SMIM31: variants seen among roughly 807,000 people sequenced by gnomAD.
SMIM31 encodes the protein human epithelial cell program regulator.
intron 1 of SMIM31, among the ~76,000 whole-genome samples, chr4:164,765,714 G>A (rs1368928621): frequency 1.3e-5 from 2 of 152,026 alleles, no homozygotes; most frequent in Non-Finnish European, 2.9e-5. Flanking sequence ...TTTCCACAAG[G>A]CCTTTGAAGG....
At chr4:164,766,308 A>G (rs561615842) in intron 1 of SMIM31, among the ~76,000 whole-genome samples, 1 of 152,274 alleles carries the variant, frequency 6.6e-6, no homozygotes, top group South Asian at 2.1e-4. Context: ...GTTTCCATTC[A>G]CAGCTGTGAA....
At chr4:164,770,896 T>G (rs1296698582) in intron 2 of SMIM31, among the ~76,000 whole-genome samples, 2 of 152,170 alleles carry the variant, frequency 1.3e-5, no homozygotes, top group African/African-American at 4.8e-5. Flanking sequence ...GCCCACCACA[T>G]GGTTACCACA....
intron 2 of SMIM31, among the ~76,000 whole-genome samples, chr4:164,785,744 A>G (rs1733018777): frequency 7.4e-6 from 1 of 135,456 alleles, no homozygotes; most frequent in African/African-American, 2.6e-5. Context: ...TTGTGTGTGT[A>G]TGCACATATA....
At chr4:164,773,735 G>A (rs1196230266) in intron 2 of SMIM31, among the ~76,000 whole-genome samples, 1 of 152,030 alleles carries the variant, frequency 6.6e-6, no homozygotes, top group Non-Finnish European at 1.5e-5. Flanking sequence ...CCATGTTTTG[G>A]GGATAATAAT....
chr4:164,800,571 A>G (rs560912121), intron 2 of SMIM31, among the ~76,000 whole-genome samples: 2 of 152,208 alleles, frequency 1.3e-5, no homozygotes, highest in South Asian at 4.2e-4. Context: ...TTGATATCTC[A>G]CACAGTAGGT....
At chr4:164,778,895 G>T (rs980857865) in intron 2 of SMIM31, among the ~76,000 whole-genome samples, 6 of 151,630 alleles carry the variant, frequency 4.0e-5, no homozygotes, top group Non-Finnish European at 8.8e-5. Flanking sequence ...CTGATGATCC[G>T]CCATGTTTAC....
intron 2 of SMIM31, among the ~76,000 whole-genome samples, chr4:164,781,129 T>TACAC (rs138037586): frequency 0.028 from 3,977 of 144,510 alleles, 113 homozygotes; most frequent in African/African-American, 0.067. Flanking sequence ...TACATTTACA[T>TACAC]ACACACACAC....
At chr4:164,785,749 CAT>C (rs35263608) in intron 2 of SMIM31, among the ~76,000 whole-genome samples, 49,700 of 149,222 alleles carry the variant, frequency 0.33, 8,903 homozygotes, top group East Asian at 0.45. Context: ...TGTGTATGCA[CAT>C]ATATATATAT....
At chr4:164,770,166 A>G (rs1732774619) in intron 1 of SMIM31, among the ~76,000 whole-genome samples, 1 of 152,210 alleles carries the variant, frequency 6.6e-6, no homozygotes. Context: ...AAAGCTGTGT[A>G]AAGGTAAACT....
chr4:164,791,736 T>C (rs998612368), intron 2 of SMIM31, among the ~76,000 whole-genome samples: 2 of 152,166 alleles, frequency 1.3e-5, no homozygotes, highest in Admixed American at 6.5e-5. Context: ...GTACAAGTGG[T>C]TTTTAGTTAC....
chr4:164,761,373 A>G (rs775702646), intron 1 of SMIM31, among the ~76,000 whole-genome samples: 28 of 152,216 alleles, frequency 1.8e-4, no homozygotes, highest in Admixed American at 3.3e-4. Context: ...CTTATCTTAA[A>G]AAAATTCATA....
chr4:164,794,960 A>C (rs911055364), intron 2 of SMIM31, among the ~76,000 whole-genome samples: 1 of 152,008 alleles, frequency 6.6e-6, no homozygotes, highest in African/African-American at 2.4e-5. Context: ...GCCTCTTAAC[A>C]TGAACTCTAA....
At chr4:164,798,973 C>A (rs79490580) in intron 2 of SMIM31, among the ~76,000 whole-genome samples, 9,020 of 152,208 alleles carry the variant, frequency 0.059, 280 homozygotes, top group Non-Finnish European at 0.078. Flanking sequence ...TGTCTGCTCC[C>A]ATTTCACCTT....
chr4:164,788,779 C>T (rs995091481), intron 2 of SMIM31, among the ~76,000 whole-genome samples: 1 of 152,030 alleles, frequency 6.6e-6, no homozygotes, highest in Non-Finnish European at 1.5e-5. Flanking sequence ...AGCCACCACG[C>T]CCGGCCCTTT....
At chr4:164,793,837 T>A (rs540983877) in intron 2 of SMIM31, among the ~76,000 whole-genome samples, 1 of 152,196 alleles carries the variant, frequency 6.6e-6, no homozygotes, top group South Asian at 2.1e-4. Context: ...ACACATCATA[T>A]ATATAAATTA....
At chr4:164,755,740 T>C (rs145356881) in intron 1 of SMIM31, among the ~76,000 whole-genome samples, 102 of 152,116 alleles carry the variant, frequency 6.7e-4, no homozygotes, top group African/African-American at 2.2e-3. Context: ...ACACACCCAG[T>C]TTCACACCAG....
At chr4:164,762,312 G>A (rs1240570240) in intron 1 of SMIM31, among the ~76,000 whole-genome samples, 3 of 152,152 alleles carry the variant, frequency 2.0e-5, no homozygotes, top group African/African-American at 7.2e-5. Flanking sequence ...GAAAGTCAAG[G>A]AATTGGGAAT....
intron 1 of SMIM31, among the ~76,000 whole-genome samples, chr4:164,758,694 C>T (rs1378272526): frequency 1.6e-5 from 2 of 126,320 alleles, no homozygotes; most frequent in South Asian, 2.7e-4. Context: ...ACTGCAGTGA[C>T]GTGATCTCGG....
chr4:164,756,193 C>T (rs143922914), intron 1 of SMIM31, among the ~76,000 whole-genome samples: 540 of 152,162 alleles, frequency 3.5e-3, no homozygotes, highest in African/African-American at 0.012. Context: ...CTATGTAATC[C>T]AAACCCCCGT....
Sources: allele counts gnomAD v4.1 joint callset (sites outside exome capture counted in the v4.1 genomes callset), GRCh38; gene constraint gnomAD v4.1.1; transcripts MANE v1.5; gene names NCBI Gene and HGNC (gene_info 2026-07-23, HGNC 2026-07-21).